The following CNTNAP2 variants were observed in gnomAD, a reference collection of about 807,000 sequenced individuals.
The protein encoded by CNTNAP2 is contactin-associated protein-like 2.
In CNTNAP2, 98 loss-of-function variants were observed where a neutral mutation model predicts 155.2. That is an observed-to-expected ratio of 0.63 (90% CI 0.54 to 0.75). The LOEUF (loss-of-function observed/expected upper bound fraction) is 0.75, where lower values mean the gene tolerates loss of function less well. Among genes scored for constraint, CNTNAP2 ranks in the 30% least tolerant of loss-of-function variants. CNTNAP2 has a pLI of 0.00. For synonymous variants in CNTNAP2, 651 were observed against 631.2 expected, an observed-to-expected ratio of 1.03 and a Z score of -0.47; for missense variants, 1,727 against 1,688.1, an observed-to-expected ratio of 1.02 and a Z score of -0.40.
chr7:148,369,643 C>CATTATCATT (rs1798851605), intron 21 of CNTNAP2, among the ~76,000 whole-genome samples: 1 of 143,460 alleles, frequency 7.0e-6, no homozygotes, highest in South Asian at 2.2e-4. Context: ...TGTTCTTTAT[C>CATTATCATT]ATTATTATTA....
chr7:146,360,291 TCATGATATCAGTTCTA>T (rs1199364688), intron 1 of CNTNAP2, among the ~76,000 whole-genome samples: 2 of 152,210 alleles, frequency 1.3e-5, no homozygotes, highest in African/African-American at 4.8e-5. Context: ...TATAATCCTT[TCATGATATCAGTTCTA>T]CATCTGAGCA....
At chr7:146,686,452 C>A (rs1279931168) in intron 1 of CNTNAP2, among the ~76,000 whole-genome samples, 1 of 152,004 alleles carries the variant, frequency 6.6e-6, no homozygotes, top group Non-Finnish European at 1.5e-5. Flanking sequence ...CTCCAGTTAC[C>A]AACAAATATT....
intron 15 of CNTNAP2, among the ~76,000 whole-genome samples, chr7:148,020,827 A>T (rs1233431749): frequency 6.6e-6 from 1 of 152,238 alleles, no homozygotes; most frequent in Non-Finnish European, 1.5e-5. Context: ...GTGAGCATAA[A>T]AAAGGAGCCC....
chr7:146,851,004 A>T (rs1794867813), intron 3 of CNTNAP2, among the ~76,000 whole-genome samples: 1 of 152,072 alleles, frequency 6.6e-6, no homozygotes, highest in Non-Finnish European at 1.5e-5. Context: ...TATTTTTTTG[A>T]AACAGAGTCT....
At chr7:147,015,330 C>T (rs1048180442) in intron 3 of CNTNAP2, among the ~76,000 whole-genome samples, 2 of 151,998 alleles carry the variant, frequency 1.3e-5, no homozygotes, top group Admixed American at 6.6e-5. Context: ...TTCTTAGCAC[C>T]TGTCTGACAT....
intron 1 of CNTNAP2, among the ~76,000 whole-genome samples, chr7:146,199,879 T>C (rs1446722379): frequency 6.6e-6 from 1 of 152,186 alleles, no homozygotes; most frequent in Non-Finnish European, 1.5e-5. Flanking sequence ...TATTTCTGTT[T>C]CTATGCTTGA....
At chr7:146,677,954 A>G (rs1800432206) in intron 1 of CNTNAP2, among the ~76,000 whole-genome samples, 1 of 152,058 alleles carries the variant, frequency 6.6e-6, no homozygotes, top group South Asian at 2.1e-4. Context: ...GGGCCTGCAT[A>G]CCTCGCATAG....
chr7:146,238,589 AG>A (rs1209528809), intron 1 of CNTNAP2, among the ~76,000 whole-genome samples: 2 of 152,174 alleles, frequency 1.3e-5, no homozygotes, highest in Non-Finnish European at 2.9e-5. Context: ...TTTATGAGTG[AG>A]GAAAAAAAAA....
chr7:148,369,461 T>C (rs1164168023), intron 21 of CNTNAP2, among the ~76,000 whole-genome samples: 2 of 151,684 alleles, frequency 1.3e-5, no homozygotes, highest in Non-Finnish European at 2.9e-5. Context: ...GCCAGGATGG[T>C]CTCGAACTCC....
chr7:146,648,786 T>C (rs1348614284), intron 1 of CNTNAP2, among the ~76,000 whole-genome samples: 1 of 152,082 alleles, frequency 6.6e-6, no homozygotes, highest in Non-Finnish European at 1.5e-5. Flanking sequence ...TTTAATTTAA[T>C]TTATTGGAAG....
rs1244818767 is a variant in CNTNAP2, at chr7:146,405,753, T to A, written c.97+288780T>A. ...TCTACAAGGATTTTAATCTGATTCC[T>A]TCACCAAAATCATTTTAACATTTAG... On this transcript the variant is annotated intron_variant, in intron 1 of 23. Transcript: ENST00000361727. Among the ~76,000 whole-genome samples the A allele has an allele frequency of 3.3e-5, 5 of 152,208 alleles. No homozygotes were observed. The South Asian group carries it at 1.0e-3, about 31-fold the overall frequency.
intron 8 of CNTNAP2, among the ~76,000 whole-genome samples, chr7:147,251,440 AGGTAGG>A (rs1804195815): frequency 2.0e-5 from 3 of 151,956 alleles, no homozygotes; most frequent in South Asian, 4.1e-4. Flanking sequence ...ACAGATAGGT[AGGTAGG>A]TAGGTAGGTA....
At chr7:147,911,140 G>T (rs1800059335) in intron 14 of CNTNAP2, among the ~76,000 whole-genome samples, 1 of 152,136 alleles carries the variant, frequency 6.6e-6, no homozygotes, top group East Asian at 1.9e-4. Context: ...CTAGCCCCTG[G>T]CCAGTTAACC....
chr7:146,272,223 G>T (rs1800093710), intron 1 of CNTNAP2, among the ~76,000 whole-genome samples: 1 of 152,098 alleles, frequency 6.6e-6, no homozygotes. Flanking sequence ...GAAATGCTGA[G>T]CAAAAGGGGG....
chr7:146,459,975 AAAAAC>A (rs886293733), intron 1 of CNTNAP2, among the ~76,000 whole-genome samples: 1 of 152,098 alleles, frequency 6.6e-6, no homozygotes, highest in Non-Finnish European at 1.5e-5. Flanking sequence ...ATCTCAAACA[AAAAAC>A]AAAACAAAAC....
At chr7:147,632,315 A>C (rs1795100090) in intron 12 of CNTNAP2, among the ~76,000 whole-genome samples, 1 of 152,084 alleles carries the variant, frequency 6.6e-6, no homozygotes, top group African/African-American at 2.4e-5. Context: ...TCCCCACCCA[A>C]ATCTCATCTT....
At chr7:146,587,142 A>T (rs1584994362) in intron 1 of CNTNAP2, among the ~76,000 whole-genome samples, 1 of 152,018 alleles carries the variant, frequency 6.6e-6, no homozygotes, top group Non-Finnish European at 1.5e-5. Context: ...ACCAGACTTG[A>T]TACCACAAAA....
intron 13 of CNTNAP2, among the ~76,000 whole-genome samples, chr7:147,717,976 C>A (rs1472538570): frequency 6.6e-6 from 1 of 151,774 alleles, no homozygotes; most frequent in Non-Finnish European, 1.5e-5. Flanking sequence ...ATAATAGTAC[C>A]AATTATATAC....
In CNTNAP2 at chr7:147,000,155, CT is replaced by C. The variant is rs1798394590; in HGVS notation, c.403-43751del. Among the ~76,000 whole-genome samples, 3 of 151,966 alleles carry C rather than the reference CT, an allele frequency of 2.0e-5. No homozygotes were observed. The South Asian group carries it at 6.2e-4, about 31-fold the overall frequency. On this transcript the variant is annotated intron_variant, in intron 3 of 23. Coordinates refer to ENST00000361727, the MANE Select transcript of CNTNAP2 (RefSeq NM_014141.6). ...CACTTACGAAGTTCTTCTGTTGATA[CT>C]CTCTATAGATTTTTAAAATTTCATT...
Sources: gnomAD v4.1 joint callset for allele counts (sites outside exome capture counted in the v4.1 genomes callset) on GRCh38, gnomAD v4.1.1 for gene constraint, MANE v1.5 for transcripts, NCBI Gene and HGNC (gene_info 2026-07-23, HGNC 2026-07-21) for gene names.